The following NFATC3 variants were observed in gnomAD, a reference collection of about 807,000 sequenced individuals.
NFATC3 encodes nuclear factor of activated T-cells, cytoplasmic 3.
In NFATC3, 46 loss-of-function variants were observed where a neutral mutation model predicts 98.6. The ratio of observed to expected loss-of-function variants is 0.47; its 90% CI spans 0.37 to 0.60. The LOEUF (loss-of-function observed/expected upper bound fraction) is 0.60. NFATC3 is among the 20% of genes least tolerant of loss of function. The pLI, the probability that NFATC3 is intolerant of heterozygous loss-of-function variation, is 0.00. For missense variants in NFATC3, 1,256 were observed against 1,295.5 expected (o/e 0.97, Z 0.47); for synonymous variants, 512 against 472.2 (o/e 1.08, Z -1.09).
chr16:68,206,391 A>G (rs907115512), intron 9 of NFATC3, among the ~76,000 whole-genome samples: 1 of 152,110 alleles, frequency 6.6e-6, no homozygotes, highest in African/African-American at 2.4e-5. Context: ...AGTAATAACT[A>G]CTCATTTCCT....
chr16:68,191,535 A>G lies in NFATC3; in HGVS notation c.2866A>G (p.Ser956Gly), dbSNP rs1371646780. The G allele has an allele frequency of 6.2e-7, 1 of 1,614,038 alleles. No individual in the cohort carries two copies. The highest frequency in any genetic ancestry group is 2.2e-5 in the East Asian group (1 of 44,876). The change falls in exon 9 of 10, where the codon AGC (serine) becomes GGC (glycine). Residue 956 changes from serine to glycine, a missense_variant. Physicochemically the swap from Ser to Gly is moderately conservative, Grantham distance 56. This residue lies in a region of NFATC3 where 636 missense variants were observed against 617.3 expected (regional missense o/e 1.03). Coordinates refer to ENST00000346183, the MANE Select transcript of NFATC3 (RefSeq NM_173165.3). ...TCAGCCTATGCCTTACCAATCTCCT[A>G]GCTCAGGAACTGCCTCATCACCGTC... ...QLQPMPYQSP[S>G]SGTASSPSPA...
intron 1 of NFATC3, among the ~76,000 whole-genome samples, chr16:68,088,034 A>G (rs1251751329): frequency 6.6e-6 from 1 of 152,174 alleles, no homozygotes; most frequent in Non-Finnish European, 1.5e-5. Flanking sequence ...CTTGTTCACA[A>G]AATAAGTTTT....
intron 9 of NFATC3, among the ~76,000 whole-genome samples, chr16:68,199,128 A>T (rs1334997960): frequency 6.6e-6 from 1 of 151,998 alleles, no homozygotes; most frequent in Non-Finnish European, 1.5e-5. Flanking sequence ...AAGTGGGAGG[A>T]TTGCTTGAAC....
intron 9 of NFATC3, among the ~76,000 whole-genome samples, chr16:68,198,120 G>GA (rs1315902696): frequency 6.6e-6 from 1 of 152,130 alleles, no homozygotes. Flanking sequence ...AGGAGTTTGA[G>GA]AATAGCCTGG....
At chr16:68,180,401 T>C (rs1021175013) in intron 6 of NFATC3, among the ~76,000 whole-genome samples, 10 of 152,170 alleles carry the variant, frequency 6.6e-5, no homozygotes, top group African/African-American at 2.2e-4. Flanking sequence ...ATGAGTTACC[T>C]GGTGAGGAAG....
chr16:68,187,552 C>T (rs1188055594), intron 8 of NFATC3, among the ~76,000 whole-genome samples: 1 of 152,046 alleles, frequency 6.6e-6, no homozygotes, highest in Non-Finnish European at 1.5e-5. Context: ...TCTCTGCAGC[C>T]AGGGTGTCCC....
chr16:68,088,840 A>G (rs2034547851), intron 1 of NFATC3: 1 of 310,462 alleles, frequency 3.2e-6, no homozygotes, highest in African/African-American at 2.3e-5. Context: ...TGCCCAATAT[A>G]TATATTTTTA....
In NFATC3 at chr16:68,122,791, G is replaced by T. The variant is rs1222146519; in HGVS notation, c.908G>T (p.Gly303Val). ...CCTTCACCTGGTCACTCCCCCAGGG[G>T]AAGTGTGACAGAAGATACGTGGCTC... Reference protein sequence around the residue: ...PVPSPGHSPRGSVTEDTWLNA... With the variant: ...PVPSPGHSPRVSVTEDTWLNA... The change falls in exon 2 of 10, where the codon GGA becomes GTA. Residue 303 changes from glycine to valine, a missense_variant. Physicochemically the swap from Gly to Val is moderately radical, Grantham distance 109. Transcript: ENST00000346183. 6.2e-7 allele frequency: 1 copy of T among 1,614,242 alleles called. No homozygotes were observed.
intron 5 of NFATC3, among the ~76,000 whole-genome samples, chr16:68,172,953 T>C (rs2039530763): frequency 6.6e-6 from 1 of 152,078 alleles, no homozygotes; most frequent in African/African-American, 2.4e-5. Context: ...AAGCACTGTT[T>C]ATAGAAGTTG....
At chr16:68,202,794 A>G (rs2040981943) in intron 9 of NFATC3, among the ~76,000 whole-genome samples, 1 of 152,152 alleles carries the variant, frequency 6.6e-6, no homozygotes, top group Non-Finnish European at 1.5e-5. Flanking sequence ...CCTGGGCAAC[A>G]GGAGCAAAAC....
intron 3 of NFATC3, among the ~76,000 whole-genome samples, chr16:68,130,214 T>C (rs2037046107): frequency 6.6e-6 from 1 of 152,192 alleles, no homozygotes; most frequent in South Asian, 2.1e-4. Context: ...TTTTAATTTT[T>C]TGAGTAACCT....
In NFATC3 at chr16:68,126,447, G is replaced by A. The variant is rs750006368; in HGVS notation, c.1239-1G>A. ...TGCATCTTTGTGTGTTTTGTTTGTAGCACATCTTCATTACCTCCACTAGAC... is the reference window on the plus strand; with the variant it reads ...TGCATCTTTGTGTGTTTTGTTTGTAACACATCTTCATTACCTCCACTAGAC... On this transcript the variant is annotated splice_acceptor_variant, in intron 2 of 9. Transcript: ENST00000346183. LOFTEE classifies it high-confidence loss of function. 3.1e-6 allele frequency: 5 copies of A among 1,606,982 alleles called. No individual in the cohort carries two copies. The highest frequency in any genetic ancestry group is 4.3e-6 in the Non-Finnish European group (5 of 1,175,158).
intron 3 of NFATC3, among the ~76,000 whole-genome samples, chr16:68,148,006 G>GATTT (rs934675892): frequency 1.4e-4 from 22 of 151,884 alleles, no homozygotes; most frequent in Non-Finnish European, 2.4e-4. Flanking sequence ...ATTTATTTAG[G>GATTT]ATTTATTTAT....
chr16:68,107,387 T>C (rs1385178696), intron 1 of NFATC3, among the ~76,000 whole-genome samples: 2 of 152,292 alleles, frequency 1.3e-5, no homozygotes, highest in East Asian at 3.9e-4. Context: ...AGCCTTTCTA[T>C]CTCAGCCTCG....
chr16:68,098,152 A>G (rs1009537950), intron 1 of NFATC3, among the ~76,000 whole-genome samples: 3 of 151,972 alleles, frequency 2.0e-5, no homozygotes, highest in Non-Finnish European at 4.4e-5. Context: ...GTTACAAATA[A>G]AGCAGCGATG....
At chr16:68,143,229 A>T (rs2037851804) in intron 3 of NFATC3, among the ~76,000 whole-genome samples, 1 of 151,204 alleles carries the variant, frequency 6.6e-6, no homozygotes, top group Non-Finnish European at 1.5e-5. Flanking sequence ...AAAAAAAAAA[A>T]AGGAAAGAAA....
chr16:68,211,689 T>A (rs746094501), intron 9 of NFATC3, among the ~76,000 whole-genome samples: 7 of 151,704 alleles, frequency 4.6e-5, no homozygotes, highest in Non-Finnish European at 1.0e-4. Context: ...GCCCAGCTAA[T>A]TTTTGTGTTT....
Position 68,122,583 on chromosome 16 carries a change from T to G in NFATC3, c.700T>G (p.Ser234Ala). Residue 234 changes from serine (S) to alanine (A), a missense_variant, in exon 2 of 10, where the codon TCA becomes GCA. Around this residue, in one of 3 missense-constraint regions of NFATC3, gnomAD observed 464 missense variants for 465.7 expected, o/e 1.00. Transcript: ENST00000346183. ...GCATCAACAGTATGGACTTGGACAC[T>G]CATTATCACCCAGGCAATCTCCTTG... Reference protein sequence around the residue: ...TWHQQYGLGHSLSPRQSPCHS... With the variant: ...TWHQQYGLGHALSPRQSPCHS... 1 of 1,614,132 alleles carries G rather than the reference T, an allele frequency of 6.2e-7. No homozygotes were observed. The highest frequency in any genetic ancestry group is 8.5e-7 in the Non-Finnish European group (1 of 1,180,016).
chr16:68,121,228 A>G (rs1356268636), intron 1 of NFATC3, among the ~76,000 whole-genome samples: 1 of 121,484 alleles, frequency 8.2e-6, no homozygotes, highest in Non-Finnish European at 1.7e-5. Flanking sequence ...GGAATATCTC[A>G]TTTCTTTTCT....
Sources: allele counts gnomAD v4.1 joint callset (sites outside exome capture counted in the v4.1 genomes callset), GRCh38; gene constraint gnomAD v4.1.1; regional missense constraint gnomAD v4.1.1; transcripts MANE v1.5; gene names NCBI Gene and HGNC (gene_info 2026-07-23, HGNC 2026-07-21).